TMED10: variants seen among roughly 807,000 people sequenced by gnomAD.
The protein encoded by TMED10 is transmembrane emp24 domain-containing protein 10.
In TMED10, 7 loss-of-function variants were observed where a neutral mutation model predicts 23.1. That is an observed-to-expected ratio of 0.30 (90% confidence interval 0.17 to 0.57). The LOEUF (loss-of-function observed/expected upper bound fraction) is 0.57. TMED10 is among the 20% of genes least tolerant of loss of function. The probability of loss-of-function intolerance (pLI) is 0.91; values close to 1 mark genes in which losing one functional copy is unlikely to be tolerated. For synonymous variants in TMED10, 113 were observed against 106.9 expected (o/e 1.06, Z -0.35); for missense variants, 162 against 274.8 (o/e 0.59, Z 2.90).
chr14:75,134,886 TACTC>T lies in TMED10; in HGVS notation c.655_658del (p.Glu219AsnfsTer3), dbSNP rs1055662767. ...TGGGAGGAGAATATGCCTCATTCAT[TACTC>T]AATCAATTTCTTGGCCTTGAAGAAG... On this transcript the variant is annotated frameshift_variant and stop_lost, in exon 5 of 5. Transcript: ENST00000303575. LOFTEE classifies it high-confidence loss of function. 2 of 1,613,964 alleles carry T rather than the reference TACTC, an allele frequency of 1.2e-6. No homozygotes were observed. Among genetic ancestry groups the T allele is most frequent in the Middle Eastern group, 1.7e-4 (1 of 6,060 alleles).
intron 3 of TMED10, among the ~76,000 whole-genome samples, chr14:75,140,247 C>T (rs899680299): frequency 2.6e-5 from 4 of 151,956 alleles, no homozygotes; most frequent in South Asian, 2.1e-4. Context: ...ATTACAGGCA[C>T]GTGCCACCAC....
In TMED10 at chr14:75,171,352, T is replaced by TCACTACAATCTCCGCC. The variant is rs1322098660; in HGVS notation, c.225+4987_225+5002dup. ...TGGAGTGCCGTGGCACGATCTCGGC[T>TCACTACAATCTCCGCC]CACTACAATCTCCGCCTCCCAGGTT... is the stretch of plus-strand genomic sequence containing the variant. On this transcript the variant is annotated intron_variant, in intron 1 of 4. Coordinates refer to ENST00000303575, the MANE Select transcript of TMED10 (RefSeq NM_006827.6). Among the ~76,000 whole-genome samples the TCACTACAATCTCCGCC allele has an allele frequency of 6.6e-5, 10 of 151,572 alleles. No individual in the cohort carries two copies. In the South Asian group the frequency reaches 2.1e-3, roughly 32 times the overall value.
intron 3 of TMED10, among the ~76,000 whole-genome samples, chr14:75,143,641 T>C (rs914720598): frequency 4.0e-5 from 6 of 151,882 alleles, no homozygotes; most frequent in Admixed American, 1.3e-4. Context: ...ACAAGCAAGA[T>C]AAACATAACA....
At chr14:75,154,690 GTCT>G (rs1309695566) in intron 1 of TMED10, among the ~76,000 whole-genome samples, 10 of 151,976 alleles carry the variant, frequency 6.6e-5, no homozygotes, top group Non-Finnish European at 1.3e-4. Flanking sequence ...TTGAGACAGA[GTCT>G]CGCTCTGTCA....
chr14:75,136,903 A>T (rs1260411696), intron 3 of TMED10: 1 of 152,232 alleles, frequency 6.6e-6, no homozygotes, highest in African/African-American at 2.4e-5. Flanking sequence ...AAGAGTATCT[A>T]ATAACTAGAG....
At chr14:75,154,742 C>T (rs1052908398) in intron 1 of TMED10, among the ~76,000 whole-genome samples, 9 of 152,028 alleles carry the variant, frequency 5.9e-5, no homozygotes, top group Admixed American at 5.9e-4. Context: ...CGGCTTACTG[C>T]AACCTCTGCC....
intron 3 of TMED10, among the ~76,000 whole-genome samples, chr14:75,139,511 C>T (rs1459083200): frequency 6.6e-6 from 1 of 152,000 alleles, no homozygotes; most frequent in Non-Finnish European, 1.5e-5. Flanking sequence ...TGGCTCACAC[C>T]TGTTATCCCA....
At chr14:75,152,267 G>A in intron 1 of TMED10, 124 bp from the exon 2 acceptor site, 1 of 717,992 alleles carries the variant, frequency 1.4e-6, no homozygotes, top group South Asian at 2.0e-5. Flanking sequence ...TGATGACTAT[G>A]TTCCAACCAT....
rs1224943901 is a variant in TMED10, at chr14:75,134,610, T to A, written c.*275A>T. 5.9e-5 allele frequency: 19 copies of A among 324,392 alleles called. No homozygotes were observed. In the East Asian group the frequency reaches 1.1e-3, roughly 20 times the overall value. 20.1% of individuals were successfully genotyped at this position (324,392 alleles called of 1,614,324 possible). On this transcript the variant is annotated 3_prime_UTR_variant, in exon 5 of 5. Coordinates refer to ENST00000303575, the MANE Select transcript of TMED10 (RefSeq NM_006827.6). Reference sequence around the variant, plus strand: ...AGGACAAATGCTGACTTTGGCATTATCTAGGTAACCCCTATTTTTTGTCAT... The same window carrying A: ...AGGACAAATGCTGACTTTGGCATTAACTAGGTAACCCCTATTTTTTGTCAT...
intron 1 of TMED10, among the ~76,000 whole-genome samples, chr14:75,156,486 A>G (rs980342022): frequency 1.3e-5 from 2 of 152,204 alleles, no homozygotes; most frequent in African/African-American, 2.4e-5. Context: ...AGCACAAGCC[A>G]TACACAGCAA....
chr14:75,152,168 T>A (rs973641727), intron 1 of TMED10, 25 bp from the exon 2 acceptor site: 1 of 1,584,804 alleles, frequency 6.3e-7, no homozygotes, highest in Non-Finnish European at 8.7e-7. Flanking sequence ...GTAGTAAGAA[T>A]AGGCAGCAAA....
At chr14:75,164,593 T>G (rs1896137602) in intron 1 of TMED10, among the ~76,000 whole-genome samples, 1 of 104,050 alleles carries the variant, frequency 9.6e-6, no homozygotes, top group African/African-American at 3.9e-5. Context: ...TTTTTTTTTT[T>G]TGTATTTTTA....
At chr14:75,160,717 C>T (rs1441839783) in intron 1 of TMED10, among the ~76,000 whole-genome samples, 1 of 152,156 alleles carries the variant, frequency 6.6e-6, no homozygotes, top group African/African-American at 2.4e-5. Flanking sequence ...CTAGATATCA[C>T]CTTCTGAAGA....
At position 75,132,123 on chromosome 14, in the gene TMED10, C is replaced by T. The variant is rs1485115004; in HGVS notation, c.*2762G>A. The T allele has an allele frequency of 3.3e-5, 5 of 152,304 alleles. No homozygotes were observed. The highest frequency in any genetic ancestry group is 5.9e-5 in the Non-Finnish European group (4 of 68,076). The allele number at this position is 152,304 out of a possible 1,614,324, so 9.4% of individuals were successfully genotyped here. A position where few individuals can be genotyped will look rare whatever the true frequency, so the allele number is the denominator to read the frequency against. ...AAGATGGAGGCTGGGTGTGGTGGCT[C>T]ACGCGTGTAATCCCAGCACTTTGGG... On this transcript the variant is annotated 3_prime_UTR_variant, in exon 5 of 5. Transcript: ENST00000303575.
At chr14:75,150,955 T>A (rs550051692) in intron 2 of TMED10, among the ~76,000 whole-genome samples, 13 of 152,338 alleles carry the variant, frequency 8.5e-5, no homozygotes, top group African/African-American at 3.1e-4. Flanking sequence ...CAGGCTGCAG[T>A]GCAGTGGTAC....
intron 1 of TMED10, among the ~76,000 whole-genome samples, chr14:75,161,631 T>C (rs1896086283): frequency 6.6e-6 from 1 of 152,134 alleles, no homozygotes; most frequent in Non-Finnish European, 1.5e-5. Context: ...ATGAGTTCTT[T>C]TAGTGACCCT....
intron 1 of TMED10, among the ~76,000 whole-genome samples, chr14:75,173,279 C>T (rs1277754142): frequency 6.6e-6 from 1 of 151,988 alleles, no homozygotes; most frequent in Non-Finnish European, 1.5e-5. Flanking sequence ...CCCAGCTACT[C>T]AGGAGCCTGA....
intron 1 of TMED10, among the ~76,000 whole-genome samples, chr14:75,152,678 G>A (rs529276351): frequency 6.6e-6 from 1 of 152,298 alleles, no homozygotes; most frequent in African/African-American, 2.4e-5. Context: ...ATCTATTCCT[G>A]CAAATTTCAT....
At chr14:75,153,906 A>G (rs1395171643) in intron 1 of TMED10, among the ~76,000 whole-genome samples, 1 of 151,132 alleles carries the variant, frequency 6.6e-6, no homozygotes. Flanking sequence ...AGTAGCTGGA[A>G]CTACAGGCAC....
Sources: allele counts gnomAD v4.1 joint callset (sites outside exome capture counted in the v4.1 genomes callset), GRCh38; gene constraint gnomAD v4.1.1; transcripts MANE v1.5; gene names NCBI Gene and HGNC (gene_info 2026-07-23, HGNC 2026-07-21).